The following FAM76B variants were observed in gnomAD, a reference collection of about 807,000 sequenced individuals.
FAM76B encodes the protein protein FAM76B.
Under a neutral mutation model 51.8 loss-of-function variants are expected in FAM76B, and 16 were observed. The observed-to-expected ratio is 0.31, with a 90% CI of 0.21 to 0.47. The LOEUF (loss-of-function observed/expected upper bound fraction) is 0.47, where lower values mean the gene tolerates loss of function less well. FAM76B is among the 20% of genes least tolerant of loss of function. FAM76B has a pLI of 1.00. For synonymous variants in FAM76B, 166 were observed against 129.5 expected, an observed-to-expected ratio of 1.28 and a Z score of -1.91; for missense variants, 342 against 392.6, an observed-to-expected ratio of 0.87 and a Z score of 1.09.
chr11:95,787,219 T>C (rs1372463830), intron 3 of FAM76B, among the ~76,000 whole-genome samples: 1 of 152,182 alleles, frequency 6.6e-6, no homozygotes, highest in Non-Finnish European at 1.5e-5. Context: ...TATGTTGAAA[T>C]ATCTAAGAGC....
intron 4 of FAM76B, 118 bp from the exon 5 acceptor site, chr11:95,783,382 G>T: frequency 1.3e-6 from 1 of 744,700 alleles, no homozygotes; most frequent in Non-Finnish European, 2.2e-6. Context: ...ACAAATGCAT[G>T]TATGCACATA....
rs1431333246 is a variant in FAM76B at position 95,776,097 on chromosome 11, C to G, written c.829-74G>C. 8.0e-6 allele frequency: 6 copies of G among 754,550 alleles called. No homozygotes were observed. The African/African-American group carries it at 1.1e-4, about 14-fold the overall frequency. The allele number at this position is 754,550 out of a possible 1,614,324, so 46.7% of individuals were successfully genotyped here. A position where few individuals can be genotyped will look rare whatever the true frequency, so the allele number is the denominator to read the frequency against. ...CACACACCATTTTAAATAACTTTCA[C>G]AATAAACTCACATTTCATTACAAAA... On this transcript the variant is annotated intron_variant, in intron 8 of 9. Transcript: ENST00000358780.
rs901083002 is a variant in FAM76B, at chr11:95,789,782, C to T, written c.-304G>A. 10 of 328,348 alleles carry T rather than the reference C, an allele frequency of 3.0e-5. No individual in the cohort carries two copies. Among genetic ancestry groups the T allele is most frequent in the Non-Finnish European group, 5.5e-5 (10 of 180,854 alleles). 20.3% of individuals were successfully genotyped at this position (328,348 alleles called of 1,614,324 possible). On this transcript the variant is annotated 5_prime_UTR_variant, in exon 1 of 10. Coordinates refer to ENST00000358780, the MANE Select transcript of FAM76B (RefSeq NM_144664.5). Reference sequence around the variant, plus strand: ...CTGTTTAGCTGTGCGGCCGTGGATCCGCTTCCTTCTCGGCCTCCCTTTCCC... The same window carrying T: ...CTGTTTAGCTGTGCGGCCGTGGATCTGCTTCCTTCTCGGCCTCCCTTTCCC...
rs751922846 is a variant in FAM76B at position 95,789,380 on chromosome 11, G to C, written c.87+12C>G. 6.3e-7 allele frequency: 1 copy of C among 1,586,604 alleles called. No individual in the cohort carries two copies. The highest frequency in any genetic ancestry group is 2.3e-5 in the East Asian group (1 of 42,958). ...GGACACCCATCCCGCCCGCCTCCCG[G>C]AGCCCACGGACCTTGCAGAGCTGCT... On this transcript the variant is annotated intron_variant, in intron 1 of 9. Coordinates refer to ENST00000358780, the MANE Select transcript of FAM76B (RefSeq NM_144664.5).
At chr11:95,787,288 C>T (rs1396298119) in intron 3 of FAM76B, among the ~76,000 whole-genome samples, 2 of 152,090 alleles carry the variant, frequency 1.3e-5, no homozygotes, top group South Asian at 2.1e-4. Context: ...GGCTGGAGTG[C>T]AGTGGCAGGA....
chr11:95,788,921 T>A, intron 1 of FAM76B: 1 of 1,352,134 alleles, frequency 7.4e-7, no homozygotes, highest in Non-Finnish European at 9.7e-7. Context: ...CAGAGCATTC[T>A]GTTCCCAAAC....
At chr11:95,785,733 G>A (rs1591024903) in intron 4 of FAM76B, among the ~76,000 whole-genome samples, 1 of 152,260 alleles carries the variant, frequency 6.6e-6, no homozygotes, top group Non-Finnish European at 1.5e-5. Context: ...TCAAATATGA[G>A]CCTTTATCAA....
chr11:95,783,623 A>G (rs1860397139), intron 4 of FAM76B, among the ~76,000 whole-genome samples: 1 of 152,238 alleles, frequency 6.6e-6, no homozygotes, highest in Non-Finnish European at 1.5e-5. Flanking sequence ...GTCATTACTA[A>G]TAATTTTTCA....
chr11:95,780,955 A>G (rs904012574), intron 5 of FAM76B, among the ~76,000 whole-genome samples: 2 of 152,108 alleles, frequency 1.3e-5, no homozygotes, highest in African/African-American at 4.8e-5. Flanking sequence ...GAAAAAAACA[A>G]ACCTTAAGAC....
At chr11:95,789,013 C>G in intron 1 of FAM76B, 2 of 1,357,334 alleles carry the variant, frequency 1.5e-6, no homozygotes, top group South Asian at 2.5e-5. Flanking sequence ...AGTGCAAAAA[C>G]CGTCCCCTGC....
At chr11:95,776,069 A>G (rs761803249) in intron 8 of FAM76B, 46 bp from the exon 9 acceptor site, 10 of 996,718 alleles carry the variant, frequency 1.0e-5, no homozygotes, top group Non-Finnish European at 1.4e-5. Flanking sequence ...GCACACATAC[A>G]CACACACACC....
chr11:95,773,458 C>CAAAAAAAAAA (rs56008636), intron 9 of FAM76B, among the ~76,000 whole-genome samples: 1 of 127,798 alleles, frequency 7.8e-6, no homozygotes, highest in Non-Finnish European at 1.7e-5. Flanking sequence ...TGCAGCCAGC[C>CAAAAAAAAAA]AAAAAAAAAA....
At chr11:95,782,511 CTATT>C (rs1319462008) in intron 5 of FAM76B, among the ~76,000 whole-genome samples, 3 of 151,898 alleles carry the variant, frequency 2.0e-5, no homozygotes, top group East Asian at 1.9e-4. Context: ...ACAGTTGTCT[CTATT>C]TAAGTAGAGT....
rs1298419491 is a variant in FAM76B at position 95,770,026 on chromosome 11, TAAAAC to T, written c.*1530_*1534del. ...ATGACATTCACAATCAATGCTTGTA[TAAAAC>T]AAAACCTTTAAAACTTATAAATTTA... On this transcript the variant is annotated 3_prime_UTR_variant, in exon 10 of 10. Transcript: ENST00000358780. 1 of 151,588 alleles carries T rather than the reference TAAAAC, an allele frequency of 6.6e-6. No homozygotes were observed. The highest frequency in any genetic ancestry group is 6.6e-5 in the Admixed American group (1 of 15,170). 9.4% of individuals were successfully genotyped at this position (151,588 alleles called of 1,614,324 possible). A position where few individuals can be genotyped will look rare whatever the true frequency, so the allele number is the denominator to read the frequency against.
rs1288876775 is a variant in FAM76B, at chr11:95,771,627, T to C, written c.954A>G (p.Lys318=). The part of the protein sequence containing the change: ...QLQAKNRELL[K]QVAALSKGKK... ...TACCCTTTGATAATGCTGCGACCTG[T>C]TTGAGTAGTTCTCTGTTTTTGGCCT... The change falls in exon 10 of 10, where the codon AAA becomes AAG. Residue 318 remains lysine (K), a synonymous_variant. Coordinates refer to ENST00000358780, the MANE Select transcript of FAM76B (RefSeq NM_144664.5). The C allele has an allele frequency of 6.2e-7, 1 of 1,606,952 alleles. No homozygotes were observed. Among genetic ancestry groups the C allele is most frequent in the South Asian group, 1.1e-5 (1 of 90,742 alleles).
rs768023137 is a variant in FAM76B, at chr11:95,778,954, G to A, written c.696C>T (p.Ser232=). 18 of 1,605,652 alleles carry A rather than the reference G, an allele frequency of 1.1e-5. No homozygotes were observed. Among genetic ancestry groups the A allele is most frequent in the Non-Finnish European group, 1.5e-5 (18 of 1,176,528 alleles). Residue 232 remains serine, a synonymous_variant, in exon 8 of 10, where the codon AGC becomes AGT. Coordinates refer to ENST00000358780, the MANE Select transcript of FAM76B (RefSeq NM_144664.5). ...CACTATCTGCTGACTGATTTATAGA[G>A]CTACTAAAAAGAAAAAAGTAAAACA... ...LESKPSNGDS[S]SINQSADSGG...
chr11:95,773,192 A>G (rs891511243), intron 9 of FAM76B, among the ~76,000 whole-genome samples: 3 of 151,192 alleles, frequency 2.0e-5, no homozygotes, highest in Non-Finnish European at 3.0e-5. Context: ...CAATAATTTG[A>G]ACATTAGGTC....
At chr11:95,789,178 T>C in intron 1 of FAM76B, 1 of 1,049,630 alleles carries the variant, frequency 9.5e-7, no homozygotes, top group East Asian at 2.6e-5. Flanking sequence ...CTGGGCCGCC[T>C]GGAAAAGGGC....
chr11:95,778,355 T>C (rs1860102439), intron 8 of FAM76B, among the ~76,000 whole-genome samples: 1 of 151,558 alleles, frequency 6.6e-6, no homozygotes, highest in Non-Finnish European at 1.5e-5. Context: ...CATCTATTGC[T>C]AATTACTATT....
Sources: allele counts gnomAD v4.1 joint callset (sites outside exome capture counted in the v4.1 genomes callset), GRCh38; gene constraint gnomAD v4.1.1; transcripts MANE v1.5; gene names NCBI Gene and HGNC (gene_info 2026-07-23, HGNC 2026-07-21).